Variants in GRIK1 observed in about 807,000 individuals in gnomAD.
The protein encoded by GRIK1 is glutamate ionotropic receptor kainate type subunit 1.
In GRIK1, 69 loss-of-function variants were observed where a neutral mutation model predicts 105.7. That is an observed-to-expected ratio of 0.65 (90% CI 0.54 to 0.80). The LOEUF (loss-of-function observed/expected upper bound fraction) is 0.80, where lower values mean the gene tolerates loss of function less well. GRIK1 is among the 30% of genes least tolerant of loss of function. The pLI, the probability that GRIK1 is intolerant of heterozygous loss-of-function variation, is 0.00. For missense variants in GRIK1, 1,109 were observed against 1,167.3 expected (o/e 0.95, Z 0.73); for synonymous variants, 438 against 431.3 (o/e 1.02, Z -0.19).
intron 1 of GRIK1, among the ~76,000 whole-genome samples, chr21:29,699,757 T>C (rs1220424156): frequency 6.6e-6 from 1 of 151,938 alleles, no homozygotes; most frequent in Non-Finnish European, 1.5e-5. Flanking sequence ...CAAGAAATTC[T>C]CCTGCCTCAG....
chr21:29,885,817 T>A (rs918018519), intron 1 of GRIK1, among the ~76,000 whole-genome samples: 2 of 152,124 alleles, frequency 1.3e-5, no homozygotes, highest in African/African-American at 2.4e-5. Context: ...ATACCTCCAA[T>A]TATCTAAATT....
chr21:29,925,391 C>T (rs1489375191), intron 1 of GRIK1, among the ~76,000 whole-genome samples: 2 of 152,122 alleles, frequency 1.3e-5, no homozygotes, highest in African/African-American at 4.8e-5. Flanking sequence ...TTCACCTTCA[C>T]CTCCATCCTC....
At chr21:29,930,094 A>G (rs1364433686) in intron 1 of GRIK1, among the ~76,000 whole-genome samples, 1 of 152,186 alleles carries the variant, frequency 6.6e-6, no homozygotes, top group African/African-American at 2.4e-5. Context: ...ATGATTCACA[A>G]TCATTTATAA....
chr21:29,595,345 T>TG (rs929110806), intron 9 of GRIK1, among the ~76,000 whole-genome samples: 5 of 151,744 alleles, frequency 3.3e-5, no homozygotes, highest in East Asian at 1.9e-4. Context: ...AATAGGTTTT[T>TG]TTTTTTTTTT....
intron 13 of GRIK1, among the ~76,000 whole-genome samples, chr21:29,578,089 G>T (rs1263146739): frequency 2.0e-5 from 3 of 152,188 alleles, no homozygotes; most frequent in African/African-American, 7.2e-5. Flanking sequence ...AGCAGAATTA[G>T]AATAAATGAG....
At chr21:29,607,087 T>C (rs1335890733) in intron 7 of GRIK1, among the ~76,000 whole-genome samples, 1 of 152,210 alleles carries the variant, frequency 6.6e-6, no homozygotes, top group Admixed American at 6.5e-5. Flanking sequence ...CTTGTGTATC[T>C]GATCTGCATG....
intron 5 of GRIK1, among the ~76,000 whole-genome samples, chr21:29,651,859 T>C (rs947646888): frequency 6.6e-6 from 1 of 151,968 alleles, no homozygotes; most frequent in Non-Finnish European, 1.5e-5. Flanking sequence ...GGGGAGCTGC[T>C]ATAGATTAAA....
intron 1 of GRIK1, among the ~76,000 whole-genome samples, chr21:29,703,477 T>G (rs2063850309): frequency 6.6e-6 from 1 of 152,214 alleles, no homozygotes; most frequent in Non-Finnish European, 1.5e-5. Flanking sequence ...TTCTAGTTGA[T>G]TACATCATAA....
At chr21:29,806,426 G>A (rs973178357) in intron 1 of GRIK1, among the ~76,000 whole-genome samples, 8 of 151,716 alleles carry the variant, frequency 5.3e-5, no homozygotes, top group South Asian at 4.2e-4. Flanking sequence ...CTGCGATTAC[G>A]GAAATACTTA....
chr21:29,553,287 A>T (rs1268102420), intron 16 of GRIK1: 10 of 1,060,216 alleles, frequency 9.4e-6, no homozygotes, highest in Non-Finnish European at 1.1e-5. Flanking sequence ...ATGCATGAAG[A>T]TAGAACTAAG....
At chr21:29,785,728 C>T (rs920302968) in intron 1 of GRIK1, among the ~76,000 whole-genome samples, 2 of 152,126 alleles carry the variant, frequency 1.3e-5, no homozygotes, top group African/African-American at 4.8e-5. Flanking sequence ...AGCGAATGAA[C>T]AGAAACTTGG....
chr21:29,545,257 A>G (rs1371511484), intron 16 of GRIK1, among the ~76,000 whole-genome samples: 1 of 152,212 alleles, frequency 6.6e-6, no homozygotes, highest in Non-Finnish European at 1.5e-5. Flanking sequence ...GTATACCTGG[A>G]AGTAAGCAGC....
chr21:29,572,230 C>T lies in GRIK1; in HGVS notation c.2130+4734G>A, dbSNP rs573829116. 3.9e-5 allele frequency among the ~76,000 whole-genome samples: 6 copies of T among 152,286 alleles called. No individual in the cohort carries two copies. In the South Asian group the frequency reaches 1.2e-3, roughly 32 times the overall value. On this transcript the variant is annotated intron_variant, in intron 14 of 17. Coordinates refer to ENST00000327783, the MANE Select transcript of GRIK1 (RefSeq NM_001330994.2). ...AGAACCTGAGTGTACATCCCTCTGA[C>T]GCTTTCTGACAGCTTACCATCCTCG...
At position 29,598,685 on chromosome 21, in the gene GRIK1, AAAAG is replaced by A. The variant is rs1220345523; in HGVS notation, c.1206+141_1206+144del. On this transcript the variant is annotated intron_variant, in intron 8 of 17. Coordinates refer to ENST00000327783, the MANE Select transcript of GRIK1 (RefSeq NM_001330994.2). ...AGCACATCAACTTCTATCTGCAGAAAAAAGAAAGAGAGATAAAAAACTGGATGTA... is the reference window on the plus strand; with the variant it reads ...AGCACATCAACTTCTATCTGCAGAAAAAAGAGAGATAAAAAACTGGATGTA... 20 of 529,274 alleles carry A rather than the reference AAAAG, an allele frequency of 3.8e-5. 1 individual carries two copies. Among genetic ancestry groups the A allele is most frequent in the South Asian group, 1.5e-4 (5 of 32,914 alleles). The allele number at this position is 529,274 out of a possible 1,614,324, so 32.8% of individuals were successfully genotyped here.
rs116500788 is a variant in GRIK1 at position 29,876,648 on chromosome 21, C to T, written c.118+62735G>A. On this transcript the variant is annotated intron_variant, in intron 1 of 17. Coordinates refer to ENST00000327783, the MANE Select transcript of GRIK1 (RefSeq NM_001330994.2). The stretch of plus-strand genomic sequence containing the variant: ...ACGTTATCCTAGTGCTATTAAATCA[C>T]GTAGTTATGCTTTTAGGCAGTTTCA... 3.7e-3 allele frequency among the ~76,000 whole-genome samples: 561 copies of T among 152,234 alleles called. 5 individuals carry two copies. Among genetic ancestry groups the T allele is most frequent in the African/African-American group, 0.013 (537 of 41,542 alleles).
intron 1 of GRIK1, among the ~76,000 whole-genome samples, chr21:29,713,727 G>A (rs1487878572): frequency 6.6e-6 from 1 of 152,140 alleles, no homozygotes; most frequent in East Asian, 1.9e-4. Flanking sequence ...AATGGAGAAA[G>A]TACATTCTAG....
intron 1 of GRIK1, among the ~76,000 whole-genome samples, chr21:29,815,653 G>A (rs1287385774): frequency 6.6e-6 from 1 of 152,006 alleles, no homozygotes; most frequent in African/African-American, 2.4e-5. Flanking sequence ...TAAAAAGAAT[G>A]CATTTATAAA....
chr21:29,743,345 T>G (rs2064974628), intron 1 of GRIK1, among the ~76,000 whole-genome samples: 1 of 152,120 alleles, frequency 6.6e-6, no homozygotes, highest in African/African-American at 2.4e-5. Context: ...CATTTATGCT[T>G]TGGAAGAGGG....
At chr21:29,560,582 T>TCTCTCTCTCTCTC (rs1568815992) in intron 15 of GRIK1, among the ~76,000 whole-genome samples, 34 of 116,456 alleles carry the variant, frequency 2.9e-4, no homozygotes, top group African/African-American at 1.2e-3. Flanking sequence ...CTTTCTCTCT[T>TCTCTCTCTCTCTC]TCTTTCTTTC....
Sources: allele counts gnomAD v4.1 joint callset (sites outside exome capture counted in the v4.1 genomes callset), GRCh38; gene constraint gnomAD v4.1.1; transcripts MANE v1.5; gene names NCBI Gene and HGNC (gene_info 2026-07-23, HGNC 2026-07-21).